CACNA2D3: variants seen among roughly 807,000 people sequenced by gnomAD.
The protein encoded by CACNA2D3 is calcium voltage-gated channel auxiliary subunit alpha2delta 3, also known as voltage-dependent calcium channel subunit alpha-2/delta-3.
In CACNA2D3, 60 loss-of-function variants were observed where a neutral mutation model predicts 160.6. That is an observed-to-expected ratio of 0.37 (90% CI 0.30 to 0.46). The LOEUF (loss-of-function observed/expected upper bound fraction) is 0.46, where lower values mean the gene tolerates loss of function less well. Among genes scored for constraint, CACNA2D3 ranks in the 20% least tolerant of loss-of-function variants. The probability of loss-of-function intolerance (pLI) is 1.00; values close to 1 mark genes in which losing one functional copy is unlikely to be tolerated. For missense variants in CACNA2D3, 1,205 were observed against 1,365.0 expected (o/e 0.88, Z 1.85); for synonymous variants, 558 against 492.9 (o/e 1.13, Z -1.75).
intron 11 of CACNA2D3, among the ~76,000 whole-genome samples, chr3:54,663,974 A>AT (rs1219573953): frequency 6.6e-6 from 1 of 152,114 alleles, no homozygotes; most frequent in Admixed American, 6.5e-5. Context: ...GGTGAGTTAG[A>AT]TTTTTCCATT....
intron 2 of CACNA2D3, among the ~76,000 whole-genome samples, chr3:54,156,350 G>A (rs765230660): frequency 1.3e-5 from 2 of 152,162 alleles, no homozygotes; most frequent in Admixed American, 6.5e-5. Flanking sequence ...TCCCACCCAC[G>A]GAGGAGGGAG....
chr3:54,940,606 C>A (rs778603604), intron 27 of CACNA2D3, among the ~76,000 whole-genome samples: 2 of 152,126 alleles, frequency 1.3e-5, no homozygotes, highest in Non-Finnish European at 2.9e-5. Flanking sequence ...CAGGCTACTC[C>A]CAAACTGTCA....
At chr3:54,512,458 G>GT (rs1478969478) in intron 5 of CACNA2D3, among the ~76,000 whole-genome samples, 3 of 152,172 alleles carry the variant, frequency 2.0e-5, no homozygotes. Flanking sequence ...GTGACACCGG[G>GT]TCCCCCACAG....
intron 11 of CACNA2D3, among the ~76,000 whole-genome samples, chr3:54,687,268 G>A (rs554459405): frequency 2.0e-5 from 3 of 149,898 alleles, no homozygotes; most frequent in South Asian, 2.1e-4. Context: ...AGCCTCCCGA[G>A]TAGCTGGGAT....
chr3:54,310,302 CG>C (rs1456031883), intron 2 of CACNA2D3, among the ~76,000 whole-genome samples: 1 of 152,112 alleles, frequency 6.6e-6, no homozygotes, highest in Non-Finnish European at 1.5e-5. Context: ...TACTTGAAAA[CG>C]TAATTGCTTT....
intron 2 of CACNA2D3, among the ~76,000 whole-genome samples, chr3:54,130,113 A>C (rs1258101405): frequency 2.0e-5 from 3 of 152,218 alleles, no homozygotes; most frequent in Non-Finnish European, 2.9e-5. Context: ...ATCCCTTGTT[A>C]AAAAATTATT....
chr3:54,171,158 T>TTTTTA (rs1553743546), intron 2 of CACNA2D3, among the ~76,000 whole-genome samples: 9 of 140,766 alleles, frequency 6.4e-5, no homozygotes, highest in African/African-American at 2.1e-4. Context: ...TTTTTTTTTT[T>TTTTTA]AGGAATAGCT....
rs557635730 is a variant in CACNA2D3 at position 55,023,281 on chromosome 3, C to A, written c.2987+4964C>A. 2.6e-5 allele frequency among the ~76,000 whole-genome samples: 4 copies of A among 152,196 alleles called. No individual in the cohort carries two copies. The East Asian group carries it at 7.7e-4, about 29-fold the overall frequency. ...GTTCTGAGGTTTCACTGAAGTGATTCCAGATATAAATTCATTTCTATTTTT... is the reference window on the plus strand; with the variant it reads ...GTTCTGAGGTTTCACTGAAGTGATTACAGATATAAATTCATTTCTATTTTT... On this transcript the variant is annotated intron_variant, in intron 35 of 37. Coordinates refer to ENST00000474759, the MANE Select transcript of CACNA2D3 (RefSeq NM_018398.3).
At chr3:54,977,504 T>C (rs1702416570) in intron 29 of CACNA2D3, among the ~76,000 whole-genome samples, 1 of 152,164 alleles carries the variant, frequency 6.6e-6, no homozygotes. Flanking sequence ...TGACCAAAGA[T>C]GTAGGTCTAA....
chr3:54,258,368 A>G (rs1702340818), intron 2 of CACNA2D3, among the ~76,000 whole-genome samples: 2 of 152,100 alleles, frequency 1.3e-5, no homozygotes, highest in African/African-American at 4.8e-5. Flanking sequence ...GAGAGTCTGA[A>G]CCCCTGAAGC....
intron 11 of CACNA2D3, among the ~76,000 whole-genome samples, chr3:54,745,218 G>T (rs998933518): frequency 6.6e-6 from 1 of 152,192 alleles, no homozygotes; most frequent in African/African-American, 2.4e-5. Flanking sequence ...GGAAGAAAGA[G>T]GGAAAGCAGG....
intron 2 of CACNA2D3, among the ~76,000 whole-genome samples, chr3:54,287,100 A>G (rs1369503436): frequency 6.6e-6 from 1 of 151,594 alleles, no homozygotes; most frequent in African/African-American, 2.4e-5. Flanking sequence ...ATGTAAATGG[A>G]CTAAATGCTC....
intron 35 of CACNA2D3, among the ~76,000 whole-genome samples, chr3:55,067,421 T>C (rs977974386): frequency 6.6e-6 from 1 of 152,246 alleles, no homozygotes; most frequent in African/African-American, 2.4e-5. Context: ...TTTGTTTCCC[T>C]ATCTGTAAAA....
rs1298587093 is a variant in CACNA2D3, at chr3:54,122,685, C to A, written c.-29C>A. 25 of 1,097,608 alleles carry A rather than the reference C, an allele frequency of 2.3e-5. No homozygotes were observed. Among genetic ancestry groups the A allele is most frequent in the South Asian group, 8.6e-5 (2 of 23,124 alleles). 68.0% of individuals were successfully genotyped at this position (1,097,608 alleles called of 1,614,324 possible). A position where few individuals can be genotyped will look rare whatever the true frequency, so the allele number is the denominator to read the frequency against. On this transcript the variant is annotated 5_prime_UTR_variant, in exon 1 of 38. Coordinates refer to ENST00000474759, the MANE Select transcript of CACNA2D3 (RefSeq NM_018398.3). ...TCCCCGCGGCCGCTCTCGTCGCCGC[C>A]GCAGCGGGCGCGTCGGAGGGAGCCC... is the stretch of plus-strand genomic sequence containing the variant.
intron 13 of CACNA2D3, among the ~76,000 whole-genome samples, chr3:54,805,282 C>T (rs1703092032): frequency 6.6e-6 from 1 of 151,962 alleles, no homozygotes; most frequent in African/African-American, 2.4e-5. Context: ...TTGAAAGGAT[C>T]AACAATATTG....
At chr3:54,367,071 G>A (rs935757570) in intron 3 of CACNA2D3, among the ~76,000 whole-genome samples, 2 of 152,136 alleles carry the variant, frequency 1.3e-5, no homozygotes, top group African/African-American at 2.4e-5. Context: ...TATTGACTTC[G>A]AATCTATCCA....
intron 17 of CACNA2D3, among the ~76,000 whole-genome samples, chr3:54,854,753 A>T (rs1019701459): frequency 1.3e-5 from 2 of 152,160 alleles, no homozygotes; most frequent in African/African-American, 2.4e-5. Context: ...ATAATGATTT[A>T]AAAAATTAAA....
At chr3:54,762,945 G>A (rs1043614614) in intron 12 of CACNA2D3, among the ~76,000 whole-genome samples, 3 of 152,084 alleles carry the variant, frequency 2.0e-5, no homozygotes, top group Non-Finnish European at 4.4e-5. Flanking sequence ...CAAAACAGCC[G>A]GGCGTGGTGG....
In CACNA2D3 at chr3:54,909,315, A is replaced by AT. The variant is rs548121201; in HGVS notation, c.2449+9460dup. Among the ~76,000 whole-genome samples, 549 of 145,472 alleles carry AT rather than the reference A, an allele frequency of 3.8e-3. 2 individuals carry two copies. Among genetic ancestry groups the AT allele is most frequent in the African/African-American group, 0.011 (440 of 39,930 alleles). On this transcript the variant is annotated intron_variant, in intron 27 of 37. Coordinates refer to ENST00000474759, the MANE Select transcript of CACNA2D3 (RefSeq NM_018398.3). ...GCTTTGGTGGAAAACAGTTTATGGG[A>AT]TTTTTTTTTTTTTCCAACATGGCTC...
Sources: gnomAD v4.1 joint callset for allele counts (sites outside exome capture counted in the v4.1 genomes callset) on GRCh38, gnomAD v4.1.1 for gene constraint, MANE v1.5 for transcripts, NCBI Gene and HGNC (gene_info 2026-07-23, HGNC 2026-07-21) for gene names.